ST8SIA5: variants seen among roughly 807,000 people sequenced by gnomAD.
ST8SIA5 encodes the protein ST8 alpha-N-acetyl-neuraminide alpha-2,8-sialyltransferase 5, also known as alpha-2,8-sialyltransferase 8E.
ST8SIA5 carries 24 observed loss-of-function variants against 40.2 expected under a neutral mutation model. The observed-to-expected ratio is 0.60, with a 90% CI of 0.43 to 0.84. ST8SIA5 has a LOEUF of 0.84. Among genes scored for constraint, ST8SIA5 ranks in the 40% least tolerant of loss-of-function variants. The pLI is 0.00. For synonymous variants in ST8SIA5, 198 were observed against 201.8 expected (o/e 0.98, Z 0.16); for missense variants, 465 against 498.5 (o/e 0.93, Z 0.64).
chr18:46,695,012 A>T lies in ST8SIA5; in HGVS notation c.225-2757T>A, dbSNP rs143178064. Among the ~76,000 whole-genome samples, 17 of 152,128 alleles carry T rather than the reference A, an allele frequency of 1.1e-4. No homozygotes were observed. The East Asian group carries it at 3.1e-3, about 28-fold the overall frequency. On this transcript the variant is annotated intron_variant, in intron 2 of 6. Transcript: ENST00000315087. ...TGTCTCCACTAAAAATACAAAAATT[A>T]GCCGGGCATGGCAGTGCGTGCCTGT...
rs1052237523 is a variant in ST8SIA5 at position 46,669,801 on chromosome 18, G to C, written c.*10241C>G. On this transcript the variant is annotated 3_prime_UTR_variant, in exon 7 of 7. Transcript: ENST00000315087. Reference sequence around the variant, plus strand: ...AAAAGAGTGAGTTTGGCCGGGCACGGTGGCCCACACCTATAATCCCAGCAC... The same window carrying C: ...AAAAGAGTGAGTTTGGCCGGGCACGCTGGCCCACACCTATAATCCCAGCAC... 6 of 152,206 alleles carry C rather than the reference G, an allele frequency of 3.9e-5. No homozygotes were observed. The highest frequency in any genetic ancestry group is 3.3e-4 in the Admixed American group (5 of 15,284). The allele number at this position is 152,206 out of a possible 1,614,324, so 9.4% of individuals were successfully genotyped here.
intron 1 of ST8SIA5, among the ~76,000 whole-genome samples, chr18:46,748,018 C>T (rs2040157378): frequency 6.7e-6 from 1 of 150,232 alleles, no homozygotes; most frequent in Admixed American, 6.7e-5. Flanking sequence ...GGGAACTGAA[C>T]AATGAGAACA....
At position 46,756,418 on chromosome 18, in the gene ST8SIA5, A is replaced by G. The variant is rs2040247325; in HGVS notation, c.91T>C (p.Leu31=). The G allele has an allele frequency of 6.2e-7, 1 of 1,613,172 alleles. No individual in the cohort carries two copies. ...IFICAFALVT[L]LQQILYGRNY... ...CTGCCATACAGGATCTGTTGCAGCA[A>G]GGTCACCAAGGCAAAGGCGCAGATG... Residue 31 remains leucine, a synonymous_variant, in exon 1 of 7, where the codon TTG becomes CTG. Transcript: ENST00000315087.
intron 1 of ST8SIA5, among the ~76,000 whole-genome samples, chr18:46,705,811 C>T (rs760300317): frequency 2.0e-5 from 3 of 152,202 alleles, no homozygotes; most frequent in African/African-American, 4.8e-5. Flanking sequence ...CCTGGCAACA[C>T]GTAGTCTGCA....
chr18:46,718,999 G>A (rs1402111739), intron 1 of ST8SIA5, among the ~76,000 whole-genome samples: 6 of 152,142 alleles, frequency 3.9e-5, no homozygotes, highest in African/African-American at 9.7e-5. Context: ...TTCTAACTAC[G>A]TTAACCATTA....
intron 1 of ST8SIA5, among the ~76,000 whole-genome samples, chr18:46,707,783 G>C (rs1329106880): frequency 6.6e-6 from 1 of 152,202 alleles, no homozygotes; most frequent in Non-Finnish European, 1.5e-5. Context: ...TTACAAAAGA[G>C]GCCCAAGAGA....
chr18:46,737,785 T>A (rs995518616), intron 1 of ST8SIA5, among the ~76,000 whole-genome samples: 2 of 152,164 alleles, frequency 1.3e-5, no homozygotes, highest in African/African-American at 4.8e-5. Context: ...AATTTTTTTT[T>A]TTTGAGACAG....
intron 1 of ST8SIA5, among the ~76,000 whole-genome samples, chr18:46,718,545 A>C (rs372932416): frequency 5.9e-5 from 9 of 152,042 alleles, no homozygotes; most frequent in African/African-American, 2.2e-4. Flanking sequence ...TATGAGCACT[A>C]TCTGGCTTGA....
intron 3 of ST8SIA5, among the ~76,000 whole-genome samples, chr18:46,689,895 GT>G (rs74172036): frequency 3.0e-4 from 44 of 147,070 alleles, no homozygotes; most frequent in Non-Finnish European, 4.2e-4. Context: ...GGCCTATAAT[GT>G]TTTTTTTTTT....
intron 1 of ST8SIA5, among the ~76,000 whole-genome samples, chr18:46,745,762 C>CA: frequency 6.6e-6 from 1 of 151,884 alleles, no homozygotes; most frequent in Non-Finnish European, 1.5e-5. Context: ...GAGACACAAC[C>CA]AAAAAGAGAA....
chr18:46,737,585 C>T (rs1388453048), intron 1 of ST8SIA5, among the ~76,000 whole-genome samples: 1 of 152,190 alleles, frequency 6.6e-6, no homozygotes, highest in African/African-American at 2.4e-5. Context: ...ATGAATAAAG[C>T]ATCTCTTACA....
intron 2 of ST8SIA5, among the ~76,000 whole-genome samples, chr18:46,702,933 T>C (rs1318397350): frequency 6.6e-6 from 1 of 152,176 alleles, no homozygotes; most frequent in African/African-American, 2.4e-5. Flanking sequence ...ATGCAGCTAA[T>C]CCCAGCTGGA....
chr18:46,673,577 C>T lies in ST8SIA5; in HGVS notation c.*6465G>A, dbSNP rs2039321848. The stretch of plus-strand genomic sequence containing the variant: ...CCAGGTTCTCAGTCCATAGTTTTAA[C>T]AAGCACCCAGGTGATTCTGATGCAG... On this transcript the variant is annotated 3_prime_UTR_variant, in exon 7 of 7. Transcript: ENST00000315087. The T allele has an allele frequency of 6.6e-6, 1 of 152,146 alleles. No homozygotes were observed. The highest frequency in any genetic ancestry group is 2.4e-5 in the African/African-American group (1 of 41,452). 9.4% of individuals were successfully genotyped at this position (152,146 alleles called of 1,614,324 possible). A position where few individuals can be genotyped will look rare whatever the true frequency, so the allele number is the denominator to read the frequency against.
chr18:46,720,557 TTG>T (rs1568268330), intron 1 of ST8SIA5, among the ~76,000 whole-genome samples: 1 of 152,158 alleles, frequency 6.6e-6, no homozygotes, highest in Non-Finnish European at 1.5e-5. Flanking sequence ...AATTTAATGT[TTG>T]TGTGTCAAAA....
Position 46,673,900 on chromosome 18 carries a change from A to T in ST8SIA5, c.*6142T>A, listed in dbSNP as rs1323604251. The T allele has an allele frequency of 6.6e-6, 1 of 152,148 alleles. No individual in the cohort carries two copies. The highest frequency in any genetic ancestry group is 1.5e-5 in the Non-Finnish European group (1 of 68,106). The allele number at this position is 152,148 out of a possible 1,614,324, so 9.4% of individuals were successfully genotyped here. ...CCTGGCCTCACCTGACCCCTGAGCC[A>T]CAGTTAGCCTCTTCCCAGAGGGTGC... On this transcript the variant is annotated 3_prime_UTR_variant, in exon 7 of 7. Transcript: ENST00000315087.
intron 1 of ST8SIA5, among the ~76,000 whole-genome samples, chr18:46,716,086 G>GGATAGGTAGATA (rs1555696177): frequency 3.6e-5 from 5 of 139,678 alleles, no homozygotes; most frequent in Non-Finnish European, 7.7e-5. Flanking sequence ...GAGTCACACA[G>GGATAGGTAGATA]GATAGATAGA....
chr18:46,725,790 A>C (rs1417082890), intron 1 of ST8SIA5, among the ~76,000 whole-genome samples: 1 of 151,124 alleles, frequency 6.6e-6, no homozygotes, highest in Non-Finnish European at 1.5e-5. Context: ...CCAATGAGGA[A>C]GGCCTGTGGA....
At chr18:46,740,460 G>A (rs1383693671) in intron 1 of ST8SIA5, among the ~76,000 whole-genome samples, 2 of 151,906 alleles carry the variant, frequency 1.3e-5, no homozygotes, top group Admixed American at 1.3e-4. Context: ...GAGATTGTCA[G>A]ACTAGGTATT....
chr18:46,701,422 T>G (rs944823530), intron 2 of ST8SIA5, among the ~76,000 whole-genome samples: 5 of 152,068 alleles, frequency 3.3e-5, no homozygotes, highest in Non-Finnish European at 7.4e-5. Context: ...ATTACAGGCA[T>G]GAGCTACCGC....
Sources: allele counts gnomAD v4.1 joint callset (sites outside exome capture counted in the v4.1 genomes callset), GRCh38; gene constraint gnomAD v4.1.1; transcripts MANE v1.5; gene names NCBI Gene and HGNC (gene_info 2026-07-23, HGNC 2026-07-21).